Variants in ACSL1 observed in about 807,000 individuals in gnomAD.
ACSL1 encodes long-chain-fatty-acid--CoA ligase 1.
Under a neutral mutation model 98.4 loss-of-function variants are expected in ACSL1, and 41 were observed. The observed-to-expected ratio is 0.42, with a 90% CI of 0.32 to 0.54. The LOEUF (loss-of-function observed/expected upper bound fraction) is 0.54. ACSL1 is among the 20% of genes least tolerant of loss of function. The pLI is 0.13. For missense variants in ACSL1, 734 were observed against 883.1 expected (o/e 0.83, Z 2.14); for synonymous variants, 316 against 322.7 (o/e 0.98, Z 0.22).
chr4:184,776,676 G>A lies in ACSL1; in HGVS notation c.578-14C>T. ...GAGAGAGTTCAGCTGTAAATGAAGA[G>A]ATACAATGAAGAATAAGCTCTGGGA... On this transcript the variant is annotated splice_polypyrimidine_tract_variant and intron_variant, in intron 6 of 20. Transcript: ENST00000281455. The A allele has an allele frequency of 6.2e-7, 1 of 1,605,088 alleles. No homozygotes were observed. Among genetic ancestry groups the A allele is most frequent in the Non-Finnish European group, 8.5e-7 (1 of 1,178,010 alleles).
intron 18 of ACSL1, chr4:184,758,856 T>A (rs1293542395): frequency 6.6e-6 from 1 of 151,574 alleles, no homozygotes; most frequent in Non-Finnish European, 1.5e-5. Context: ...TGTTAACTCG[T>A]CATTTAACAT....
chr4:184,773,966 T>A lies in ACSL1; in HGVS notation c.757-91A>T. 2.1e-6 allele frequency: 3 copies of A among 1,445,232 alleles called. No individual in the cohort carries two copies. Among genetic ancestry groups the A allele is most frequent in the Non-Finnish European group, 2.9e-6 (3 of 1,037,470 alleles). 89.5% of individuals were successfully genotyped at this position (1,445,232 alleles called of 1,614,324 possible). The stretch of plus-strand genomic sequence containing the variant: ...TCGAGTCACTTAAAGCTGGCTTTAC[T>A]GTGGGGTTCATTCACACCTGGCTCG... On this transcript the variant is annotated intron_variant, in intron 7 of 20. Transcript: ENST00000281455. This position sits in a 1 kb window ranked among gnomAD's most constrained non-coding sequence, Gnocchi z 4.3.
rs1427783225 is a variant in ACSL1 at position 184,784,982 on chromosome 4, A to G, written c.311-991T>C. 2.0e-5 allele frequency among the ~76,000 whole-genome samples: 3 copies of G among 152,236 alleles called. No homozygotes were observed. In the East Asian group the frequency reaches 5.8e-4, roughly 29 times the overall value. On this transcript the variant is annotated intron_variant, in intron 3 of 20. Coordinates refer to ENST00000281455, the MANE Select transcript of ACSL1 (RefSeq NM_001995.5). ...TTCCAGATGGGAAAAAAATTGCATTAGCCATATGAAATGATGCGATTTTAT... is the reference window on the plus strand; with the variant it reads ...TTCCAGATGGGAAAAAAATTGCATTGGCCATATGAAATGATGCGATTTTAT...
intron 1 of ACSL1, among the ~76,000 whole-genome samples, chr4:184,820,075 T>C (rs181477829): frequency 5.1e-4 from 77 of 152,276 alleles, no homozygotes; most frequent in Non-Finnish European, 8.8e-5. Context: ...CACGTGTGCA[T>C]GGCCAGAGGG....
At chr4:184,810,074 T>A (rs1771894856) in intron 1 of ACSL1, among the ~76,000 whole-genome samples, 1 of 152,276 alleles carries the variant, frequency 6.6e-6, no homozygotes, top group African/African-American at 2.4e-5. Flanking sequence ...AATTTTGTCC[T>A]ATGGGTCCAC....
intron 3 of ACSL1, among the ~76,000 whole-genome samples, chr4:184,785,934 T>C (rs1458896232): frequency 6.6e-6 from 1 of 152,194 alleles, no homozygotes; most frequent in African/African-American, 2.4e-5. Context: ...TCTGGGTTCC[T>C]CCCACATCCC....
At position 184,756,326 on chromosome 4, in the gene ACSL1, T is replaced by C. The variant is rs532030312; in HGVS notation, c.*799A>G. On this transcript the variant is annotated 3_prime_UTR_variant, in exon 21 of 21. Transcript: ENST00000281455. ...TTTCTTGAAATGCTTGTCTTCACTATAGAATCTAAGGCAGATTTTTAAATA... is the reference window on the plus strand; with the variant it reads ...TTTCTTGAAATGCTTGTCTTCACTACAGAATCTAAGGCAGATTTTTAAATA... 3.3e-5 allele frequency: 5 copies of C among 152,760 alleles called. No individual in the cohort carries two copies. In the South Asian group the frequency reaches 8.3e-4, roughly 25 times the overall value. The allele number at this position is 152,760 out of a possible 1,614,324, so 9.5% of individuals were successfully genotyped here.
At chr4:184,787,800 G>A (rs1767653371) in intron 3 of ACSL1, among the ~76,000 whole-genome samples, 1 of 148,942 alleles carries the variant, frequency 6.7e-6, no homozygotes, top group African/African-American at 2.5e-5. Context: ...GGAGGTGTAG[G>A]CTGCGGTGAG....
chr4:184,805,040 A>T (rs1199158857), intron 1 of ACSL1, among the ~76,000 whole-genome samples: 1 of 152,188 alleles, frequency 6.6e-6, no homozygotes, highest in East Asian at 1.9e-4. Flanking sequence ...GAATCTACAA[A>T]GAACCCAAAC....
At chr4:184,795,775 T>C (rs1224311104) in intron 2 of ACSL1, among the ~76,000 whole-genome samples, 2 of 152,226 alleles carry the variant, frequency 1.3e-5, no homozygotes, top group Non-Finnish European at 2.9e-5. Flanking sequence ...TGTAGATTTG[T>C]AAGAAAATGT....
At chr4:184,770,176 C>A in intron 11 of ACSL1, 5 of 1,274,616 alleles carry the variant, frequency 3.9e-6, no homozygotes, top group South Asian at 1.4e-5. Flanking sequence ...TATATTCTTT[C>A]AAATAATCTG....
intron 2 of ACSL1, among the ~76,000 whole-genome samples, chr4:184,795,544 A>T (rs944600903): frequency 1.3e-5 from 2 of 152,194 alleles, no homozygotes; most frequent in Non-Finnish European, 2.9e-5. Context: ...TTCTTTCTTT[A>T]AATTCCTAAG....
Position 184,825,829 on chromosome 4 carries a change from C to G in ACSL1, c.-33+87G>C, listed in dbSNP as rs567176326. The G allele has an allele frequency of 1.3e-5, 2 of 149,312 alleles. No homozygotes were observed. Among genetic ancestry groups the G allele is most frequent in the Non-Finnish European group, 1.5e-5 (1 of 66,882 alleles). The allele number at this position is 149,312 out of a possible 1,614,324, so 9.2% of individuals were successfully genotyped here. ...GGCGGCCGCTGCTCCGGGCTCGGCC[C>G]TGAAGGGCAACGTCAGCCGGCGCCT... On this transcript the variant is annotated intron_variant, in intron 1 of 20. Transcript: ENST00000281455. The surrounding 1 kb of genome is among the most constrained non-coding windows in gnomAD (Gnocchi z 4.7).
chr4:184,773,399 T>G lies in ACSL1; in HGVS notation c.842-245A>C, dbSNP rs7669535. ...TCATAAGAGAAGAAAAACCAGAAAT[T>G]TTCTTCCTGGGAGCCACCGATATAG... On this transcript the variant is annotated intron_variant, in intron 9 of 20. Coordinates refer to ENST00000281455, the MANE Select transcript of ACSL1 (RefSeq NM_001995.5). This position sits in a 1 kb window ranked among gnomAD's most constrained non-coding sequence, Gnocchi z 4.3. Among the ~76,000 whole-genome samples the G allele has an allele frequency of 4.4e-3, 673 of 152,250 alleles. 6 individuals carry two copies. Among genetic ancestry groups the G allele is most frequent in the African/African-American group, 0.016 (646 of 41,546 alleles).
intron 7 of ACSL1, among the ~76,000 whole-genome samples, chr4:184,775,206 T>C (rs1317117542): frequency 6.6e-6 from 1 of 152,162 alleles, no homozygotes; most frequent in Non-Finnish European, 1.5e-5. Flanking sequence ...TGCAGTGCAG[T>C]GGGGCGATCT....
intron 2 of ACSL1, among the ~76,000 whole-genome samples, chr4:184,801,372 G>T (rs187671751): frequency 6.6e-6 from 1 of 152,184 alleles, no homozygotes; most frequent in Non-Finnish European, 1.5e-5. Flanking sequence ...TGGGGGTGCA[G>T]AATGAGGGTG....
intron 2 of ACSL1, among the ~76,000 whole-genome samples, chr4:184,792,750 T>A (rs1768617572): frequency 6.6e-6 from 1 of 152,206 alleles, no homozygotes; most frequent in Admixed American, 6.5e-5. Context: ...AGTGTTGCTA[T>A]TTTTTGAACA....
intron 15 of ACSL1, 44 bp downstream of exon 15, chr4:184,764,809 G>A: frequency 6.5e-7 from 1 of 1,550,002 alleles, no homozygotes; most frequent in Non-Finnish European, 8.8e-7. Flanking sequence ...CAATAACCCA[G>A]TATGAATAAC....
At chr4:184,821,858 T>C (rs1773092052) in intron 1 of ACSL1, among the ~76,000 whole-genome samples, 1 of 152,238 alleles carries the variant, frequency 6.6e-6, no homozygotes, top group African/African-American at 2.4e-5. Flanking sequence ...TAATTAACAA[T>C]GTATGCTTAA....
Sources: allele counts gnomAD v4.1 joint callset (sites outside exome capture counted in the v4.1 genomes callset), GRCh38; gene constraint gnomAD v4.1.1; non-coding constraint Gnocchi (gnomAD v3.1); transcripts MANE v1.5; gene names NCBI Gene and HGNC (gene_info 2026-07-23, HGNC 2026-07-21).